ZNF804A: variants seen among roughly 807,000 people sequenced by gnomAD.
The protein encoded by ZNF804A is zinc finger protein 804A.
Under a neutral mutation model 16.5 loss-of-function variants are expected in ZNF804A, and 2 were observed. The observed-to-expected ratio is 0.12, with a 90% CI of 0.05 to 0.38. The LOEUF is 0.38. ZNF804A is among the 10% of genes least tolerant of loss of function. The probability of loss-of-function intolerance (pLI) is 0.99; values close to 1 mark genes in which losing one functional copy is unlikely to be tolerated. For missense variants in ZNF804A, 1,473 were observed against 1,390.7 expected, an observed-to-expected ratio of 1.06 and a Z score of -0.94; for synonymous variants, 534 against 489.6, an observed-to-expected ratio of 1.09 and a Z score of -1.20.
At chr2:184,739,045 T>C (rs1693675508) in intron 1 of ZNF804A, among the ~76,000 whole-genome samples, 1 of 152,192 alleles carries the variant, frequency 6.6e-6, no homozygotes, top group Non-Finnish European at 1.5e-5. Context: ...GGATAAACAA[T>C]AATAACTTTG....
At chr2:184,935,571 G>T (rs1685770641) in intron 3 of ZNF804A, among the ~76,000 whole-genome samples, 1 of 151,998 alleles carries the variant, frequency 6.6e-6, no homozygotes, top group Non-Finnish European at 1.5e-5. Flanking sequence ...GCAACTTCAG[G>T]ACAATATTTC....
At chr2:184,720,747 G>C (rs560217464) in intron 1 of ZNF804A, among the ~76,000 whole-genome samples, 1 of 152,114 alleles carries the variant, frequency 6.6e-6, no homozygotes, top group Non-Finnish European at 1.5e-5. Context: ...CACAGAGATA[G>C]AACAAAAAAA....
Position 184,938,579 on chromosome 2 carries a change from G to T in ZNF804A, c.3183G>T (p.Leu1061=), listed in dbSNP as rs1574279836. ...VYQHILQPNM[L]ANKVKFTFPP... ...AGCACATTCTGCAGCCAAACATGCT[G>T]GCCAACAAGGTTAAATTTACCTTTC... Residue 1061 remains leucine (L), a synonymous_variant, in exon 4 of 4, where the codon CTG becomes CTT. Coordinates refer to ENST00000302277, the MANE Select transcript of ZNF804A (RefSeq NM_194250.2). 1.2e-6 allele frequency: 2 copies of T among 1,613,996 alleles called. No homozygotes were observed. The highest frequency in any genetic ancestry group is 1.7e-6 in the Non-Finnish European group (2 of 1,179,990).
At chr2:184,685,317 G>C (rs951801351) in intron 1 of ZNF804A, among the ~76,000 whole-genome samples, 3 of 152,084 alleles carry the variant, frequency 2.0e-5, no homozygotes, top group African/African-American at 7.2e-5. Flanking sequence ...CCCAAAGAGA[G>C]TGTCACAGCC....
Position 184,933,458 on chromosome 2 carries a change from T to G in ZNF804A, c.256-145T>G, listed in dbSNP as rs1360802553. On this transcript the variant is annotated intron_variant, in intron 2 of 3. Coordinates refer to ENST00000302277, the MANE Select transcript of ZNF804A (RefSeq NM_194250.2). ...GCCAAAATGCGAGAAAATATTTTTG[T>G]TAGAAGTGGATTGTCATGAATGTTG... 9 of 642,752 alleles carry G rather than the reference T, an allele frequency of 1.4e-5. No individual in the cohort carries two copies. The South Asian group carries it at 2.1e-4, about 15-fold the overall frequency. 39.8% of individuals were successfully genotyped at this position (642,752 alleles called of 1,614,324 possible).
intron 1 of ZNF804A, among the ~76,000 whole-genome samples, chr2:184,674,308 C>T (rs1414568998): frequency 6.6e-6 from 1 of 151,808 alleles, no homozygotes; most frequent in Non-Finnish European, 1.5e-5. Flanking sequence ...GTTGTGGAAA[C>T]TAATAATCTT....
intron 2 of ZNF804A, among the ~76,000 whole-genome samples, chr2:184,909,738 A>G (rs1339295317): frequency 6.6e-6 from 1 of 151,768 alleles, no homozygotes; most frequent in African/African-American, 2.4e-5. Context: ...TTTTGTCTGC[A>G]GGGTCTGAAT....
At chr2:184,711,543 G>T (rs1452225627) in intron 1 of ZNF804A, among the ~76,000 whole-genome samples, 1 of 151,584 alleles carries the variant, frequency 6.6e-6, no homozygotes, top group East Asian at 1.9e-4. Flanking sequence ...TGCTTTTGTT[G>T]CTTGCACTTT....
At chr2:184,761,400 T>C (rs1252368526) in intron 1 of ZNF804A, among the ~76,000 whole-genome samples, 1 of 152,164 alleles carries the variant, frequency 6.6e-6, no homozygotes, top group Non-Finnish European at 1.5e-5. Context: ...CAGGTAAGGC[T>C]CAAACTTGAA....
chr2:184,699,288 A>T (rs1692883435), intron 1 of ZNF804A, among the ~76,000 whole-genome samples: 1 of 152,160 alleles, frequency 6.6e-6, no homozygotes, highest in Non-Finnish European at 1.5e-5. Context: ...TAGCCATTTA[A>T]ACCTTTGTAA....
intron 1 of ZNF804A, among the ~76,000 whole-genome samples, chr2:184,815,779 A>G (rs1204493457): frequency 6.6e-6 from 1 of 152,060 alleles, no homozygotes; most frequent in Non-Finnish European, 1.5e-5. Context: ...TAATATAGAT[A>G]GTTAACATCT....
At chr2:184,759,657 T>C (rs113497554) in intron 1 of ZNF804A, among the ~76,000 whole-genome samples, 5,354 of 152,118 alleles carry the variant, frequency 0.035, 305 homozygotes, top group African/African-American at 0.12. Flanking sequence ...CCCAAGCTCA[T>C]ATCCCCTGTG....
Position 184,866,678 on chromosome 2 carries a change from C to CT in ZNF804A, c.255+180dup, listed in dbSNP as rs757475454. On this transcript the variant is annotated intron_variant, in intron 2 of 3. Transcript: ENST00000302277. ...TAATTTGATGACTTACAGCAAAATC[C>CT]TTTTTTTTTTTTTTAAAAAAAAAGG... 2.3e-3 allele frequency among the ~76,000 whole-genome samples: 326 copies of CT among 139,132 alleles called. 4 individuals carry two copies. The highest frequency in any genetic ancestry group is 4.4e-3 in the South Asian group (19 of 4,334). The allele number at this position is 139,132 out of a possible 152,430, so 91.3% of individuals were successfully genotyped here. A position where few individuals can be genotyped will look rare whatever the true frequency, so the allele number is the denominator to read the frequency against.
rs943675787 is a variant in ZNF804A, at chr2:184,935,926, C to T, written c.530C>T (p.Thr177Ile). The change falls in exon 4 of 4, where the codon ACT (threonine) becomes ATT (isoleucine). Residue 177 changes from threonine (T) to isoleucine (I), a missense_variant. Transcript: ENST00000302277. ...KYTLIHSEEN[T>I]KDATTVAEDP... ...ACTTTGATTCATAGTGAAGAGAATACTAAAGATGCTACCACTGTTGCTGAA... is the reference window on the plus strand; with the variant it reads ...ACTTTGATTCATAGTGAAGAGAATATTAAAGATGCTACCACTGTTGCTGAA... The T allele has an allele frequency of 3.1e-6, 5 of 1,613,736 alleles. No individual in the cohort carries two copies. Among genetic ancestry groups the T allele is most frequent in the East Asian group, 2.2e-5 (1 of 44,848 alleles).
At chr2:184,685,123 C>G (rs986945152) in intron 1 of ZNF804A, among the ~76,000 whole-genome samples, 28 of 152,260 alleles carry the variant, frequency 1.8e-4, no homozygotes, top group African/African-American at 6.7e-4. Context: ...CCACTGCACA[C>G]AGCCAGGCAC....
At chr2:184,720,082 C>A (rs75387658) in intron 1 of ZNF804A, among the ~76,000 whole-genome samples, 3 of 152,048 alleles carry the variant, frequency 2.0e-5, no homozygotes, top group African/African-American at 7.3e-5. Flanking sequence ...GAAATGCACA[C>A]CTCATACAGT....
intron 1 of ZNF804A, among the ~76,000 whole-genome samples, chr2:184,697,286 T>C (rs1692847523): frequency 6.6e-6 from 1 of 152,014 alleles, no homozygotes; most frequent in Non-Finnish European, 1.5e-5. Context: ...TGCTTTCTGT[T>C]ACATGAAGAG....
In ZNF804A at chr2:184,936,449, C is replaced by A. The variant is rs1685789590; in HGVS notation, c.1053C>A (p.Asn351Lys). The change falls in exon 4 of 4, where the codon AAC (asparagine) becomes AAA (lysine). Residue 351 changes from asparagine (N) to lysine (K), a missense_variant. Transcript: ENST00000302277. ...ATGAAGACATACCTGTTAGTGGTAA[C>A]AGTTTTGAGTTGTTAGGAAATAAAT... The part of the protein sequence containing the change: ...VINEDIPVSG[N>K]SFELLGNKST... The A allele has an allele frequency of 1.4e-5, 22 of 1,613,872 alleles. No individual in the cohort carries two copies. The highest frequency in any genetic ancestry group is 1.8e-5 in the Non-Finnish European group (21 of 1,179,924).
intron 1 of ZNF804A, among the ~76,000 whole-genome samples, chr2:184,708,273 C>G (rs1354692860): frequency 6.6e-6 from 1 of 151,904 alleles, no homozygotes; most frequent in African/African-American, 2.4e-5. Context: ...TTAATTAGGT[C>G]CCGCTTGTCA....
Sources: gnomAD v4.1 joint callset for allele counts (sites outside exome capture counted in the v4.1 genomes callset) on GRCh38, gnomAD v4.1.1 for gene constraint, MANE v1.5 for transcripts, NCBI Gene and HGNC (gene_info 2026-07-23, HGNC 2026-07-21) for gene names.